CFAP20DC: variants seen among roughly 807,000 people sequenced by gnomAD.
CFAP20DC encodes protein CFAP20DC.
A neutral mutation model predicts 101.7 loss-of-function variants in CFAP20DC; 84 were observed. That is an observed-to-expected ratio of 0.83 (90% CI 0.69 to 0.99). The LOEUF (loss-of-function observed/expected upper bound fraction) is 0.99. Ranked by LOEUF, CFAP20DC falls within the 50% of genes least tolerant of loss-of-function variation. CFAP20DC has a pLI of 0.00. For synonymous variants in CFAP20DC, 359 were observed against 351.2 expected (o/e 1.02, Z -0.25); for missense variants, 1,007 against 970.3 (o/e 1.04, Z -0.50).
chr3:58,956,572 T>C (rs1397545043), intron 4 of CFAP20DC, among the ~76,000 whole-genome samples: 1 of 152,176 alleles, frequency 6.6e-6, no homozygotes, highest in Non-Finnish European at 1.5e-5. Context: ...GGCTCCCGGA[T>C]GGCACCTCTG....
chr3:58,782,111 G>C (rs1453123822), intron 15 of CFAP20DC, among the ~76,000 whole-genome samples: 1 of 151,942 alleles, frequency 6.6e-6, no homozygotes, highest in Non-Finnish European at 1.5e-5. Flanking sequence ...GGGATGCAAG[G>C]ATCAACCTAT....
chr3:58,930,497 A>C (rs2086489592), intron 5 of CFAP20DC, among the ~76,000 whole-genome samples: 1 of 152,182 alleles, frequency 6.6e-6, no homozygotes. Context: ...TGTGGCATTA[A>C]ATAACTCTGG....
intron 4 of CFAP20DC, among the ~76,000 whole-genome samples, chr3:58,972,535 AT>A (rs2092010750): frequency 6.6e-6 from 1 of 152,276 alleles, no homozygotes; most frequent in Admixed American, 6.5e-5. Context: ...CCATTTTTAT[AT>A]ATTCTTTTAT....
At chr3:58,961,098 G>A (rs558166164) in intron 4 of CFAP20DC, among the ~76,000 whole-genome samples, 6 of 152,242 alleles carry the variant, frequency 3.9e-5, no homozygotes, top group African/African-American at 1.4e-4. Flanking sequence ...AATCCCACTT[G>A]GCCGTGGTAT....
intron 4 of CFAP20DC, among the ~76,000 whole-genome samples, chr3:59,034,775 G>C (rs931977803): frequency 1.2e-4 from 19 of 152,096 alleles, no homozygotes; most frequent in African/African-American, 4.3e-4. Context: ...GTCAATATTA[G>C]ACAGCTCAAT....
chr3:58,817,822 T>G (rs1287847289), intron 14 of CFAP20DC, among the ~76,000 whole-genome samples: 1 of 151,984 alleles, frequency 6.6e-6, no homozygotes, highest in East Asian at 1.9e-4. Context: ...AAGAGCAACT[T>G]CAAGACACAT....
chr3:58,779,602 G>A (rs1486247139), intron 15 of CFAP20DC, among the ~76,000 whole-genome samples: 2 of 151,974 alleles, frequency 1.3e-5, no homozygotes, highest in African/African-American at 4.8e-5. Flanking sequence ...AGACTAGATC[G>A]AGCAGAAGAA....
intron 4 of CFAP20DC, among the ~76,000 whole-genome samples, chr3:58,998,483 C>G (rs1262100277): frequency 6.6e-6 from 1 of 152,186 alleles, no homozygotes; most frequent in African/African-American, 2.4e-5. Flanking sequence ...TGATGCTTTA[C>G]TGCGTCCTTA....
intron 6 of CFAP20DC, among the ~76,000 whole-genome samples, chr3:58,889,040 T>C (rs2081924177): frequency 6.6e-6 from 1 of 151,986 alleles, no homozygotes; most frequent in Non-Finnish European, 1.5e-5. Context: ...TAATCCAACA[T>C]ATACAAAATC....
At chr3:58,936,479 G>A (rs1349696877) in intron 5 of CFAP20DC, among the ~76,000 whole-genome samples, 1 of 152,188 alleles carries the variant, frequency 6.6e-6, no homozygotes, top group Non-Finnish European at 1.5e-5. Context: ...GCACACGTAT[G>A]TTTATTGCGG....
In CFAP20DC at chr3:59,002,123, C is replaced by T. The variant is rs2093329120; in HGVS notation, c.278+37434G>A. Among the ~76,000 whole-genome samples, 1 of 152,096 alleles carries T rather than the reference C, an allele frequency of 6.6e-6. No homozygotes were observed. Among genetic ancestry groups the T allele is most frequent in the African/African-American group, 2.4e-5 (1 of 41,422 alleles). ...GCCTGAAAGAACTGAGTTGGGGATC[C>T]CAGCTCTGTTATCCCACTGACAAGC... On this transcript the variant is annotated intron_variant, in intron 4 of 16. Transcript: ENST00000482387. This position sits in a 1 kb window ranked among gnomAD's most constrained non-coding sequence, Gnocchi z 4.5.
At chr3:58,820,149 A>C (rs1259602809) in intron 14 of CFAP20DC, among the ~76,000 whole-genome samples, 2 of 152,106 alleles carry the variant, frequency 1.3e-5, no homozygotes, top group Non-Finnish European at 2.9e-5. Context: ...ATTTCAAAAT[A>C]ATAAGAGCTA....
At chr3:58,968,492 T>C (rs2091738974) in intron 4 of CFAP20DC, among the ~76,000 whole-genome samples, 1 of 152,216 alleles carries the variant, frequency 6.6e-6, no homozygotes, top group Non-Finnish European at 1.5e-5. Flanking sequence ...ATATGTTTAT[T>C]GGCTACATGT....
At position 58,897,324 on chromosome 3, in the gene CFAP20DC, G is replaced by T. The variant is rs1174113796; in HGVS notation, c.551-12615C>A. Reference sequence around the variant, plus strand: ...ACCATGAATCTTGGCTCATTATCCAGCTTGCCATTGTGTCTTTTAATGGGG... The same window carrying T: ...ACCATGAATCTTGGCTCATTATCCATCTTGCCATTGTGTCTTTTAATGGGG... On this transcript the variant is annotated intron_variant, in intron 6 of 16. Coordinates refer to ENST00000482387, the MANE Select transcript of CFAP20DC (RefSeq NM_001394063.1). This position sits in a 1 kb window ranked among gnomAD's most constrained non-coding sequence, Gnocchi z 4.4. 6.6e-6 allele frequency among the ~76,000 whole-genome samples: 1 copy of T among 152,142 alleles called. No homozygotes were observed. Among genetic ancestry groups the T allele is most frequent in the Non-Finnish European group, 1.5e-5 (1 of 68,032 alleles).
chr3:58,938,397 T>C (rs557258249), intron 4 of CFAP20DC, among the ~76,000 whole-genome samples: 7 of 152,334 alleles, frequency 4.6e-5, no homozygotes, highest in Non-Finnish European at 8.8e-5. Context: ...TTGCTTCAAA[T>C]TGATAGAGGC....
chr3:58,899,167 C>T lies in CFAP20DC; in HGVS notation c.551-14458G>A, dbSNP rs1166716976. On this transcript the variant is annotated intron_variant, in intron 6 of 16. Transcript: ENST00000482387. This position sits in a 1 kb window ranked among gnomAD's most constrained non-coding sequence, Gnocchi z 5.0. Reference sequence around the variant, plus strand: ...GGAGGTCTCATCCAGTCAGGAGTAACAGGATCAGGGACCCACTTAGAAAAA... The same window carrying T: ...GGAGGTCTCATCCAGTCAGGAGTAATAGGATCAGGGACCCACTTAGAAAAA... Among the ~76,000 whole-genome samples, 1 of 152,220 alleles carries T rather than the reference C, an allele frequency of 6.6e-6. No homozygotes were observed. Among genetic ancestry groups the T allele is most frequent in the African/African-American group, 2.4e-5 (1 of 41,460 alleles).
chr3:58,765,655 T>C (rs1262256067), intron 15 of CFAP20DC, among the ~76,000 whole-genome samples: 1 of 152,122 alleles, frequency 6.6e-6, no homozygotes, highest in African/African-American at 2.4e-5. Flanking sequence ...TGGCAATAAT[T>C]ATTATATATC....
intron 3 of CFAP20DC, among the ~76,000 whole-genome samples, chr3:59,040,342 AT>A (rs1576810749): frequency 6.6e-6 from 1 of 152,082 alleles, no homozygotes; most frequent in Non-Finnish European, 1.5e-5. Flanking sequence ...TGCTTAAAAA[AT>A]CAATTGATTT....
At chr3:58,902,892 G>GT (rs896010972) in intron 6 of CFAP20DC, among the ~76,000 whole-genome samples, 5 of 151,882 alleles carry the variant, frequency 3.3e-5, no homozygotes, top group South Asian at 2.1e-4. Context: ...TTGTTATATT[G>GT]TTTTTTTAAT....
Sources: gnomAD v4.1 joint callset for allele counts (sites outside exome capture counted in the v4.1 genomes callset) on GRCh38, gnomAD v4.1.1 for gene constraint, Gnocchi (gnomAD v3.1) non-coding constraint, MANE v1.5 for transcripts, NCBI Gene and HGNC (gene_info 2026-07-23, HGNC 2026-07-21) for gene names.